Variants in MAST4 observed in about 807,000 individuals in gnomAD.
The protein encoded by MAST4 is microtubule associated serine/threonine kinase family member 4.
MAST4 carries 89 observed loss-of-function variants against 162.7 expected under a neutral mutation model. The ratio of observed to expected loss-of-function variants is 0.55; its 90% confidence interval spans 0.46 to 0.65. The LOEUF (loss-of-function observed/expected upper bound fraction) is 0.65, where lower values mean the gene tolerates loss of function less well. Ranked by LOEUF, MAST4 falls within the 30% of genes least tolerant of loss-of-function variation. The probability of loss-of-function intolerance (pLI) is 0.00; values close to 1 mark genes in which losing one functional copy is unlikely to be tolerated. For missense variants in MAST4, 3,153 were observed against 3,374.0 expected, an observed-to-expected ratio of 0.93 and a Z score of 1.62; for synonymous variants, 1,479 against 1,361.1, an observed-to-expected ratio of 1.09 and a Z score of -1.91.
intron 4 of MAST4, among the ~76,000 whole-genome samples, chr5:67,014,518 G>T: frequency 6.6e-6 from 1 of 152,180 alleles, no homozygotes; most frequent in South Asian, 2.1e-4. Flanking sequence ...TTACGTATTT[G>T]AACCGTGGAA....
intron 4 of MAST4, among the ~76,000 whole-genome samples, chr5:66,938,568 C>T (rs558912226): frequency 2.6e-5 from 4 of 152,256 alleles, no homozygotes; most frequent in South Asian, 2.1e-4. Context: ...GTTGAAAACC[C>T]AGGGAAAACC....
intron 1 of MAST4, among the ~76,000 whole-genome samples, chr5:66,749,409 G>A (rs1179913795): frequency 6.6e-6 from 1 of 152,148 alleles, no homozygotes; most frequent in Non-Finnish European, 1.5e-5. Flanking sequence ...TCTGTGCTCT[G>A]GAATACAGGT....
At chr5:66,879,147 C>T (rs771452258) in intron 3 of MAST4, among the ~76,000 whole-genome samples, 2 of 151,958 alleles carry the variant, frequency 1.3e-5, no homozygotes, top group African/African-American at 2.4e-5. Flanking sequence ...GGCGTGGTGG[C>T]GGGTGCCTGT....
intron 1 of MAST4, among the ~76,000 whole-genome samples, chr5:66,716,568 C>A (rs1415973642): frequency 6.6e-6 from 1 of 151,610 alleles, no homozygotes; most frequent in East Asian, 1.9e-4. Flanking sequence ...CCTATATTAC[C>A]CAGGCTGGTC....
At chr5:66,855,320 T>C (rs1435079774) in intron 3 of MAST4, among the ~76,000 whole-genome samples, 3 of 152,170 alleles carry the variant, frequency 2.0e-5, no homozygotes, top group Non-Finnish European at 4.4e-5. Flanking sequence ...TCCGCTATGA[T>C]TAAAAGCTCC....
intron 1 of MAST4, among the ~76,000 whole-genome samples, chr5:66,659,065 G>A (rs1490392009): frequency 6.6e-6 from 1 of 152,130 alleles, no homozygotes; most frequent in African/African-American, 2.4e-5. Flanking sequence ...TGCAAGGTAG[G>A]TGGGGAAGCT....
chr5:66,893,079 A>G (rs779933646), intron 3 of MAST4, among the ~76,000 whole-genome samples: 5 of 152,222 alleles, frequency 3.3e-5, no homozygotes, highest in Non-Finnish European at 5.9e-5. Flanking sequence ...TAAGGTAGCT[A>G]ATTTCTTTAT....
At chr5:67,025,661 G>T (rs991875724) in intron 4 of MAST4, among the ~76,000 whole-genome samples, 1 of 152,158 alleles carries the variant, frequency 6.6e-6, no homozygotes, top group African/African-American at 2.4e-5. Flanking sequence ...TACAAAAAAA[G>T]TAACCTTTGA....
chr5:67,158,303 G>A (rs1318185953), intron 26 of MAST4, among the ~76,000 whole-genome samples: 2 of 152,108 alleles, frequency 1.3e-5, no homozygotes, highest in Admixed American at 6.5e-5. Context: ...ATTATTTTGC[G>A]ATAGAAAACA....
At chr5:66,610,972 C>T (rs1449839085) in intron 1 of MAST4, among the ~76,000 whole-genome samples, 1 of 152,192 alleles carries the variant, frequency 6.6e-6, no homozygotes, top group Non-Finnish European at 1.5e-5. Context: ...ACAGGAGATG[C>T]CAGTGAAGGC....
chr5:66,684,504 C>G (rs1265847606), intron 1 of MAST4, among the ~76,000 whole-genome samples: 1 of 152,112 alleles, frequency 6.6e-6, no homozygotes, highest in Non-Finnish European at 1.5e-5. Context: ...CTAAATTGCT[C>G]TGGAAGGAGT....
At chr5:66,728,600 C>T (rs1751657934) in intron 1 of MAST4, among the ~76,000 whole-genome samples, 2 of 152,132 alleles carry the variant, frequency 1.3e-5, no homozygotes, top group African/African-American at 4.8e-5. Flanking sequence ...AATGTCATGA[C>T]TAAGAGATTG....
Position 67,165,039 on chromosome 5 carries a change from C to G in MAST4, c.5860C>G (p.Arg1954Gly). The change falls in exon 29 of 29, where the codon CGC becomes GGC. Residue 1954 changes from arginine to glycine, a missense_variant. Transcript: ENST00000403625. ...CCACAGCCCTGACCTGGCCAGGCCA[C>G]GCTGCCCGCTCCCACCTGAAGCTTC... ...NLHSPDLARP[R>G]CPLPPEASPS... The G allele has an allele frequency of 1.2e-6, 2 of 1,609,046 alleles. No homozygotes were observed. The highest frequency in any genetic ancestry group is 1.7e-6 in the Non-Finnish European group (2 of 1,177,632).
chr5:66,610,567 G>C (rs764475172), intron 1 of MAST4, among the ~76,000 whole-genome samples: 7 of 152,194 alleles, frequency 4.6e-5, no homozygotes, highest in Admixed American at 1.3e-4. Flanking sequence ...TGCCCCTTGG[G>C]GTGCAGTGCG....
chr5:67,093,699 C>A, intron 6 of MAST4: 1 of 445,782 alleles, frequency 2.2e-6, no homozygotes, highest in East Asian at 6.9e-5. Context: ...GCTCATTCAT[C>A]TAAAATATGT....
intron 1 of MAST4, among the ~76,000 whole-genome samples, chr5:66,621,563 C>T (rs1037746170): frequency 1.3e-5 from 2 of 152,178 alleles, no homozygotes; most frequent in South Asian, 2.1e-4. Flanking sequence ...TTATTTATTA[C>T]ACTTTGCTCT....
At chr5:66,933,334 A>T (rs1272406913) in intron 4 of MAST4, among the ~76,000 whole-genome samples, 1 of 152,222 alleles carries the variant, frequency 6.6e-6, no homozygotes, top group Non-Finnish European at 1.5e-5. Context: ...CATGCATTTC[A>T]ACTTCCATCA....
intron 3 of MAST4, among the ~76,000 whole-genome samples, chr5:66,852,435 C>T (rs976534732): frequency 3.9e-5 from 6 of 152,270 alleles, no homozygotes; most frequent in African/African-American, 9.6e-5. Flanking sequence ...TATGAGCCAC[C>T]GTGCCTGGCC....
chr5:66,968,008 T>A (rs1746963847), intron 4 of MAST4, among the ~76,000 whole-genome samples: 5 of 152,190 alleles, frequency 3.3e-5, no homozygotes. Flanking sequence ...TGCCAGCTCC[T>A]AATCTGGACT....
Sources: gnomAD v4.1 joint callset for allele counts (sites outside exome capture counted in the v4.1 genomes callset) on GRCh38, gnomAD v4.1.1 for gene constraint, MANE v1.5 for transcripts, NCBI Gene and HGNC (gene_info 2026-07-23, HGNC 2026-07-21) for gene names.